The following GLI3 variants were observed in gnomAD, a reference collection of about 807,000 sequenced individuals.
The protein encoded by GLI3 is transcription activator GLI3.
Under a neutral mutation model 100.8 loss-of-function variants are expected in GLI3, and 20 were observed. That is an observed-to-expected ratio of 0.20 (90% CI 0.14 to 0.29). GLI3 has a LOEUF of 0.29. Ranked by LOEUF, GLI3 falls within the 10% of genes least tolerant of loss-of-function variation. The pLI is 1.00. For missense variants in GLI3, 2,040 were observed against 2,128.5 expected, an observed-to-expected ratio of 0.96 and a Z score of 0.82; for synonymous variants, 938 against 860.5, an observed-to-expected ratio of 1.09 and a Z score of -1.58.
chr7:41,965,645 A>T lies in GLI3; in HGVS notation c.3428T>A (p.Phe1143Tyr). 2 of 1,612,394 alleles carry T rather than the reference A, an allele frequency of 1.2e-6. No homozygotes were observed. The highest frequency in any genetic ancestry group is 1.7e-6 in the Non-Finnish European group (2 of 1,178,838). Residue 1143 changes from phenylalanine to tyrosine, a missense_variant, in exon 15 of 15, where the codon TTC becomes TAC. Physicochemically the swap from Phe to Tyr is conservative, Grantham distance 22. Around this residue, in one of 5 missense-constraint regions of GLI3, gnomAD observed 1,041 missense variants for 924.0 expected, o/e 1.13. Coordinates refer to ENST00000395925, the MANE Select transcript of GLI3 (RefSeq NM_000168.6). Reference sequence around the variant, plus strand: ...GGGGCAGGGCTGCTCGAGGGCATGGAACTGCTGGCCAGCGTGGCTGTCTGG... The same window carrying T: ...GGGGCAGGGCTGCTCGAGGGCATGGTACTGCTGGCCAGCGTGGCTGTCTGG... ...GLPDSHAGQQ[F>Y]HALEQPCPEG...
chr7:42,012,763 T>C (rs1345588193), intron 10 of GLI3, among the ~76,000 whole-genome samples: 2 of 152,240 alleles, frequency 1.3e-5, no homozygotes, highest in African/African-American at 2.4e-5. Flanking sequence ...CAGTGAAGTT[T>C]ATCTCTGCTA....
chr7:41,970,113 A>T (rs1465968559), intron 13 of GLI3, among the ~76,000 whole-genome samples: 2 of 151,872 alleles, frequency 1.3e-5, no homozygotes, highest in Non-Finnish European at 2.9e-5. Context: ...TGTTAAAAAA[A>T]TGAAAACAAA....
chr7:42,177,289 G>A (rs879746300), intron 2 of GLI3, among the ~76,000 whole-genome samples: 1 of 152,142 alleles, frequency 6.6e-6, no homozygotes, highest in Non-Finnish European at 1.5e-5. Context: ...AGAGACGGAG[G>A]CAGCAGGAGG....
At chr7:42,021,277 G>T (rs846279) in intron 10 of GLI3, among the ~76,000 whole-genome samples, 149,236 of 152,356 alleles carry the variant, frequency 0.98, 73,094 homozygotes, top group East Asian at 0.99. Flanking sequence ...ATAAAGGTAA[G>T]ATATTAGATT....
chr7:41,992,393 G>T (rs999451907), intron 10 of GLI3, among the ~76,000 whole-genome samples: 1 of 152,144 alleles, frequency 6.6e-6, no homozygotes, highest in Non-Finnish European at 1.5e-5. Flanking sequence ...TATCATAGTG[G>T]AGATGCCTCC....
At chr7:42,015,302 G>C (rs2128727262) in intron 10 of GLI3, among the ~76,000 whole-genome samples, 1 of 152,170 alleles carries the variant, frequency 6.6e-6, no homozygotes, top group Middle Eastern at 3.4e-3. Context: ...AACTGGGTGG[G>C]GTCGGGTGGA....
In GLI3 at chr7:41,961,196, A is replaced by T. The variant is rs1787002857; in HGVS notation, c.*3134T>A. On this transcript the variant is annotated 3_prime_UTR_variant, in exon 15 of 15. Transcript: ENST00000395925. Reference sequence around the variant, plus strand: ...ATGTGTTTCTTTTAAAAAAAGGATTACACATTTTATTTTTTAAAAAAATCT... The same window carrying T: ...ATGTGTTTCTTTTAAAAAAAGGATTTCACATTTTATTTTTTAAAAAAATCT... 6.6e-6 allele frequency: 1 copy of T among 152,646 alleles called. No individual in the cohort carries two copies. The highest frequency in any genetic ancestry group is 2.4e-5 in the African/African-American group (1 of 41,460). 9.5% of individuals were successfully genotyped at this position (152,646 alleles called of 1,614,324 possible).
Position 42,021,789 on chromosome 7 carries a change from A to G in GLI3, c.1497+1679T>C, listed in dbSNP as rs140634373. Among the ~76,000 whole-genome samples the G allele has an allele frequency of 2.0e-5, 3 of 152,316 alleles. No homozygotes were observed. In the East Asian group the frequency reaches 5.8e-4, roughly 29 times the overall value. ...TTAAAAACCAAGACACCCTGCCAAC[A>G]TCTGTTCTATAATGGCAGCTTTTAC... On this transcript the variant is annotated intron_variant, in intron 10 of 14. Coordinates refer to ENST00000395925, the MANE Select transcript of GLI3 (RefSeq NM_000168.6).
chr7:42,061,319 T>A (rs1452826877), intron 4 of GLI3, among the ~76,000 whole-genome samples: 1 of 152,196 alleles, frequency 6.6e-6, no homozygotes, highest in Non-Finnish European at 1.5e-5. Context: ...CTAGCTAGTA[T>A]AAAGACTTTT....
At chr7:41,977,748 T>C in intron 11 of GLI3, 26 bp from the exon 12 acceptor site, 1 of 1,609,066 alleles carries the variant, frequency 6.2e-7, no homozygotes. Flanking sequence ...AAATCTGGAT[T>C]ACTCTGCACA....
chr7:42,021,574 G>A (rs548487096), intron 10 of GLI3, among the ~76,000 whole-genome samples: 29 of 152,164 alleles, frequency 1.9e-4, no homozygotes, highest in African/African-American at 5.3e-4. Context: ...AGCTACTACC[G>A]CACTCCAAAA....
At chr7:42,003,933 C>A (rs1788380245) in intron 10 of GLI3, among the ~76,000 whole-genome samples, 1 of 152,060 alleles carries the variant, frequency 6.6e-6, no homozygotes, top group Non-Finnish European at 1.5e-5. Context: ...AAACAGGAAA[C>A]CTGTATCTAG....
intron 10 of GLI3, among the ~76,000 whole-genome samples, chr7:41,990,174 GAGA>G (rs1366253847): frequency 6.6e-6 from 1 of 151,384 alleles, no homozygotes. Context: ...AAGAAGAACA[GAGA>G]AGATTTAATT....
At chr7:42,169,081 T>C (rs1182561134) in intron 2 of GLI3, among the ~76,000 whole-genome samples, 2 of 152,238 alleles carry the variant, frequency 1.3e-5, no homozygotes, top group Non-Finnish European at 2.9e-5. Flanking sequence ...TTATGAGATG[T>C]GTCCTTTTCT....
At chr7:41,976,798 G>T (rs1787524975) in intron 12 of GLI3, among the ~76,000 whole-genome samples, 1 of 152,188 alleles carries the variant, frequency 6.6e-6, no homozygotes, top group Non-Finnish European at 1.5e-5. Flanking sequence ...GCCAGAATTT[G>T]AGCTAGACCT....
chr7:42,169,269 T>C (rs546723198), intron 2 of GLI3, among the ~76,000 whole-genome samples: 1 of 152,180 alleles, frequency 6.6e-6, no homozygotes, highest in East Asian at 1.9e-4. Flanking sequence ...TTCAAACATA[T>C]GCAATATATA....
intron 2 of GLI3, among the ~76,000 whole-genome samples, chr7:42,159,004 G>C (rs955486051): frequency 2.6e-5 from 4 of 152,136 alleles, no homozygotes; most frequent in African/African-American, 9.7e-5. Context: ...GGCACATTTA[G>C]TATCTTGCAG....
intron 1 of GLI3, among the ~76,000 whole-genome samples, chr7:42,230,749 G>A (rs780633600): frequency 6.6e-6 from 1 of 152,134 alleles, no homozygotes; most frequent in African/African-American, 2.4e-5. Context: ...TGAGTCCCAC[G>A]TGCCTTGGTT....
intron 2 of GLI3, among the ~76,000 whole-genome samples, chr7:42,203,875 T>C (rs1195023808): frequency 1.3e-5 from 2 of 152,092 alleles, no homozygotes; most frequent in East Asian, 3.9e-4. Context: ...GGTACAAGCC[T>C]GTAATCCCAG....
Sources: gnomAD v4.1 joint callset for allele counts (sites outside exome capture counted in the v4.1 genomes callset) on GRCh38, gnomAD v4.1.1 for gene constraint, gnomAD v4.1.1 regional missense constraint, MANE v1.5 for transcripts, NCBI Gene and HGNC (gene_info 2026-07-23, HGNC 2026-07-21) for gene names.